The following ST6GAL1 variants were observed in gnomAD, a reference collection of about 807,000 sequenced individuals.
ST6GAL1 encodes the protein beta-galactoside alpha-2,6-sialyltransferase 1.
In ST6GAL1, 20 loss-of-function variants were observed where a neutral mutation model predicts 38.0. The observed-to-expected ratio is 0.53, with a 90% CI of 0.37 to 0.77. The LOEUF is 0.77. Ranked by LOEUF, ST6GAL1 falls within the 30% of genes least tolerant of loss-of-function variation. The pLI is 0.00. For missense variants in ST6GAL1, 432 were observed against 496.4 expected, an observed-to-expected ratio of 0.87 and a Z score of 1.23; for synonymous variants, 196 against 188.2, an observed-to-expected ratio of 1.04 and a Z score of -0.34.
At position 187,015,392 on chromosome 3, in the gene ST6GAL1, A is replaced by G. The variant is rs539394726; in HGVS notation, c.-182-23350A>G. On this transcript the variant is annotated intron_variant, in intron 2 of 7. Coordinates refer to ENST00000169298, the MANE Select transcript of ST6GAL1 (RefSeq NM_173216.2). ...GGGCTGCTGGAGGATTCAATGAGAT[A>G]AAATGCTAAGTGTCCAGCATCCTAA... 6.6e-5 allele frequency among the ~76,000 whole-genome samples: 10 copies of G among 152,362 alleles called. No individual in the cohort carries two copies. In the East Asian group the frequency reaches 1.9e-3, roughly 29 times the overall value.
intron 2 of ST6GAL1, among the ~76,000 whole-genome samples, chr3:187,016,959 C>A (rs1717136796): frequency 1.3e-5 from 2 of 152,236 alleles, no homozygotes; most frequent in African/African-American, 4.8e-5. Context: ...AGTACTGACT[C>A]ACTTTGGCCT....
chr3:186,963,972 C>T (rs967030294), intron 2 of ST6GAL1, 46 bp downstream of exon 2: 2 of 152,380 alleles, frequency 1.3e-5, no homozygotes, highest in Non-Finnish European at 2.9e-5. Flanking sequence ...GACACAATGC[C>T]TTTTTTGCAG....
chr3:187,013,197 G>A (rs1206927090), intron 2 of ST6GAL1, among the ~76,000 whole-genome samples: 5 of 152,104 alleles, frequency 3.3e-5, no homozygotes, highest in African/African-American at 1.2e-4. Flanking sequence ...TATTTCTTAT[G>A]GCTCTATAGA....
intron 2 of ST6GAL1, among the ~76,000 whole-genome samples, chr3:187,020,315 A>AC (rs200495369): frequency 2.3e-5 from 3 of 127,778 alleles, no homozygotes; most frequent in Admixed American, 1.6e-4. Flanking sequence ...AAACAAACAA[A>AC]AAACAAAACA....
chr3:187,024,476 A>ATG (rs1560166704), intron 2 of ST6GAL1, among the ~76,000 whole-genome samples: 2 of 106,328 alleles, frequency 1.9e-5, no homozygotes, highest in African/African-American at 7.3e-5. Context: ...ATATATGTGT[A>ATG]TATATATATA....
chr3:187,049,792 C>G (rs1718447336), intron 4 of ST6GAL1, among the ~76,000 whole-genome samples: 1 of 152,234 alleles, frequency 6.6e-6, no homozygotes, highest in South Asian at 2.1e-4. Flanking sequence ...GAAAAGTTGA[C>G]TAACTGAAGT....
intron 5 of ST6GAL1, among the ~76,000 whole-genome samples, chr3:187,059,217 T>G (rs1216123071): frequency 6.6e-6 from 1 of 152,042 alleles, no homozygotes; most frequent in Non-Finnish European, 1.5e-5. Context: ...GAGGGAGACA[T>G]TCAGATACCC....
chr3:186,953,246 ACAGGATTCTGTGTGACCCAGCCTT>A (rs375497935), intron 1 of ST6GAL1, among the ~76,000 whole-genome samples: 85 of 152,298 alleles, frequency 5.6e-4, no homozygotes, highest in African/African-American at 2.0e-3. Flanking sequence ...AGAAAGGCCT[ACAGGATTCTGTGTGACCCAGCCTT>A]CAGACCCTGC....
intron 1 of ST6GAL1, among the ~76,000 whole-genome samples, chr3:186,932,779 T>TC (rs749859756): frequency 1.3e-5 from 2 of 151,744 alleles, no homozygotes; most frequent in Non-Finnish European, 2.9e-5. Context: ...TTAACGAGAG[T>TC]CCCATGGAAG....
intron 3 of ST6GAL1, among the ~76,000 whole-genome samples, chr3:187,042,431 A>C (rs1718156541): frequency 6.6e-6 from 1 of 152,118 alleles, no homozygotes; most frequent in East Asian, 1.9e-4. Context: ...AGGGAGTGGA[A>C]GAGTGGAAGA....
Position 187,075,047 on chromosome 3 carries a change from C to G in ST6GAL1, c.980-515C>G, listed in dbSNP as rs1719514695. Among the ~76,000 whole-genome samples the G allele has an allele frequency of 6.6e-6, 1 of 152,080 alleles. No homozygotes were observed. The highest frequency in any genetic ancestry group is 2.4e-5 in the African/African-American group (1 of 41,390). The stretch of plus-strand genomic sequence containing the variant: ...GTGGAGTGCTCCTGTTCCAGCTGTC[C>G]CTTTGCCCAGCTAAGGGAAGAAAAG... On this transcript the variant is annotated intron_variant, in intron 7 of 7. Coordinates refer to ENST00000169298, the MANE Select transcript of ST6GAL1 (RefSeq NM_173216.2). The surrounding 1 kb of genome is among the most constrained non-coding windows in gnomAD (Gnocchi z 4.1).
intron 1 of ST6GAL1, among the ~76,000 whole-genome samples, chr3:186,947,328 G>A (rs920999144): frequency 4.4e-4 from 67 of 152,192 alleles, no homozygotes; most frequent in Admixed American, 1.0e-3. Flanking sequence ...GAGAAGGTGA[G>A]CATTAAAAAA....
At position 186,968,392 on chromosome 3, in the gene ST6GAL1, A is replaced by G. The variant is rs1019185068; in HGVS notation, c.-183+4466A>G. ...GTGTAATTGACAGACAAAACCCTGCACATACTTAAATTGTACAACTTGGTG... is the reference window on the plus strand; with the variant it reads ...GTGTAATTGACAGACAAAACCCTGCGCATACTTAAATTGTACAACTTGGTG... On this transcript the variant is annotated intron_variant, in intron 2 of 7. Transcript: ENST00000169298. Among the ~76,000 whole-genome samples the G allele has an allele frequency of 3.9e-5, 6 of 152,194 alleles. No individual in the cohort carries two copies. In the South Asian group the frequency reaches 8.3e-4, roughly 21 times the overall value.
intron 5 of ST6GAL1, among the ~76,000 whole-genome samples, chr3:187,051,859 A>G (rs761293522): frequency 6.6e-6 from 1 of 152,178 alleles, no homozygotes; most frequent in Non-Finnish European, 1.5e-5. Flanking sequence ...CAGGTAGCAC[A>G]TGCCGATTTC....
intron 2 of ST6GAL1, among the ~76,000 whole-genome samples, chr3:186,997,664 A>C (rs1234613863): frequency 3.3e-5 from 5 of 151,934 alleles, no homozygotes; most frequent in African/African-American, 1.2e-4. Context: ...GGCTGAGGCG[A>C]GAGGATCACT....
intron 1 of ST6GAL1, among the ~76,000 whole-genome samples, chr3:186,961,179 T>C (rs1226918417): frequency 1.3e-5 from 2 of 152,180 alleles, no homozygotes; most frequent in Non-Finnish European, 2.9e-5. Context: ...TTTCACCATG[T>C]TGACCAAGCT....
intron 5 of ST6GAL1, among the ~76,000 whole-genome samples, chr3:187,058,099 G>A (rs942516615): frequency 3.3e-5 from 5 of 152,246 alleles, no homozygotes; most frequent in Non-Finnish European, 5.9e-5. Context: ...GACCCGCTGA[G>A]CCAGGCACAG....
intron 1 of ST6GAL1, among the ~76,000 whole-genome samples, chr3:186,951,884 G>A (rs1293861446): frequency 6.6e-6 from 1 of 152,178 alleles, no homozygotes; most frequent in African/African-American, 2.4e-5. Context: ...GGCGTCTGGT[G>A]AGAGCTTGCT....
At chr3:187,026,739 G>C (rs2108569523) in intron 2 of ST6GAL1, among the ~76,000 whole-genome samples, 1 of 152,222 alleles carries the variant, frequency 6.6e-6, no homozygotes, top group Non-Finnish European at 1.5e-5. Context: ...CACATCAGTA[G>C]TTACGTAAAA....
Sources: gnomAD v4.1 joint callset for allele counts (sites outside exome capture counted in the v4.1 genomes callset) on GRCh38, gnomAD v4.1.1 for gene constraint, Gnocchi (gnomAD v3.1) non-coding constraint, MANE v1.5 for transcripts, NCBI Gene and HGNC (gene_info 2026-07-23, HGNC 2026-07-21) for gene names.